The following ACYP2 variants were observed in gnomAD, a reference collection of about 807,000 sequenced individuals.
The protein encoded by ACYP2 is acylphosphatase 2.
A neutral mutation model predicts 11.2 loss-of-function variants in ACYP2; 12 were observed. The ratio of observed to expected loss-of-function variants is 1.08; its 90% CI spans 0.69 to 1.74. The LOEUF (loss-of-function observed/expected upper bound fraction) is 1.74, where lower values mean the gene tolerates loss of function less well. Ranked by LOEUF, ACYP2 falls within the 40% of genes most tolerant of loss-of-function variation. ACYP2 has a pLI of 0.00. For missense variants in ACYP2, 134 were observed against 101.9 expected (o/e 1.31, Z -1.35); for synonymous variants, 43 against 32.2 (o/e 1.33, Z -1.13).
intron 2 of ACYP2, among the ~76,000 whole-genome samples, chr2:54,003,730 A>C (rs1672918358): frequency 6.6e-6 from 1 of 152,210 alleles, no homozygotes; most frequent in South Asian, 2.1e-4. Flanking sequence ...AACATGTTTC[A>C]ACTCATTTGG....
intron 6 of ACYP2, among the ~76,000 whole-genome samples, chr2:54,231,278 C>G (rs890716811): frequency 6.6e-6 from 1 of 152,134 alleles, no homozygotes; most frequent in African/African-American, 2.4e-5. Context: ...TCATATTTGG[C>G]TCAGAATAAA....
intron 6 of ACYP2, among the ~76,000 whole-genome samples, chr2:54,222,395 C>T (rs1266951126): frequency 1.3e-5 from 2 of 151,806 alleles, no homozygotes; most frequent in African/African-American, 4.8e-5. Context: ...ACTAAAAATA[C>T]AAAAATTAGC....
At chr2:54,146,439 A>AT (rs11360655) in intron 6 of ACYP2, among the ~76,000 whole-genome samples, 10,185 of 140,578 alleles carry the variant, frequency 0.072, 510 homozygotes, top group East Asian at 0.31. Context: ...CTGATCCTCT[A>AT]TTTTTTTTTT....
chr2:54,255,628 TC>T, intron 6 of ACYP2: 1 of 1,613,616 alleles, frequency 6.2e-7, no homozygotes, highest in Non-Finnish European at 8.5e-7. Flanking sequence ...TCTGTTTTCT[TC>T]CGCCACGTCC....
At chr2:54,219,732 C>T (rs1454667703) in intron 6 of ACYP2, among the ~76,000 whole-genome samples, 1 of 151,740 alleles carries the variant, frequency 6.6e-6, no homozygotes, top group Non-Finnish European at 1.5e-5. Context: ...AATTCTCCTG[C>T]CTCAGTCTCC....
At chr2:54,290,520 A>G (rs1689257905) in intron 6 of ACYP2, among the ~76,000 whole-genome samples, 1 of 150,184 alleles carries the variant, frequency 6.7e-6, no homozygotes, top group Non-Finnish European at 1.5e-5. Flanking sequence ...AAACAAGAGC[A>G]TGTACATTTA....
chr2:54,007,864 GA>G (rs200226492), intron 2 of ACYP2, among the ~76,000 whole-genome samples: 8 of 151,052 alleles, frequency 5.3e-5, no homozygotes, highest in African/African-American at 1.9e-4. Context: ...GACTCTGACT[GA>G]AAAAAAACAA....
At chr2:54,260,200 G>C (rs1687718136) in intron 6 of ACYP2, among the ~76,000 whole-genome samples, 1 of 152,118 alleles carries the variant, frequency 6.6e-6, no homozygotes, top group Non-Finnish European at 1.5e-5. Flanking sequence ...AGAAGTGATA[G>C]TGAGATTTAT....
At chr2:54,050,160 C>G (rs1287484100) in intron 2 of ACYP2, among the ~76,000 whole-genome samples, 3 of 152,020 alleles carry the variant, frequency 2.0e-5, no homozygotes, top group Middle Eastern at 3.2e-3. Flanking sequence ...CCTCATGATG[C>G]AACAGTAGAA....
At chr2:54,138,888 G>A (rs1042817732) in intron 6 of ACYP2, 140 bp downstream of exon 3, 16 of 678,568 alleles carry the variant, frequency 2.4e-5, no homozygotes, top group Non-Finnish European at 4.0e-5. Flanking sequence ...TGCCTTCCAG[G>A]CTCAGATCTC....
intron 4 of ACYP2, among the ~76,000 whole-genome samples, chr2:54,095,496 G>A (rs1429154054): frequency 6.6e-5 from 10 of 150,608 alleles, no homozygotes; most frequent in Non-Finnish European, 1.0e-4. Flanking sequence ...CGGACGGGGC[G>A]GCTGGCTGGG....
chr2:54,057,601 C>T (rs1319644592), intron 4 of ACYP2, among the ~76,000 whole-genome samples: 8 of 151,990 alleles, frequency 5.3e-5, no homozygotes, highest in South Asian at 2.1e-4. Flanking sequence ...CAGAGAAGTA[C>T]GTTTTATTAG....
At chr2:54,015,917 A>C (rs747554062) in intron 2 of ACYP2, among the ~76,000 whole-genome samples, 1 of 151,996 alleles carries the variant, frequency 6.6e-6, no homozygotes, top group Non-Finnish European at 1.5e-5. Flanking sequence ...TTCCCACCTC[A>C]GCCTCCCAAA....
At chr2:54,050,195 TA>T (rs1193085866) in intron 2 of ACYP2, among the ~76,000 whole-genome samples, 1 of 152,092 alleles carries the variant, frequency 6.6e-6, no homozygotes, top group Non-Finnish European at 1.5e-5. Flanking sequence ...ATGAACAGTC[TA>T]AAAAATGACA....
intron 4 of ACYP2, among the ~76,000 whole-genome samples, chr2:54,090,400 G>C (rs952664688): frequency 6.6e-6 from 1 of 152,160 alleles, no homozygotes; most frequent in African/African-American, 2.4e-5. Context: ...GGAGGCCGAG[G>C]TGGGCAGATC....
chr2:54,213,731 ACTAT>A (rs1352901865), intron 6 of ACYP2, among the ~76,000 whole-genome samples: 2 of 151,930 alleles, frequency 1.3e-5, no homozygotes, highest in Non-Finnish European at 2.9e-5. Flanking sequence ...TCATTTGAGA[ACTAT>A]CTGTTGATGT....
intron 6 of ACYP2, among the ~76,000 whole-genome samples, chr2:54,299,676 T>C (rs974280236): frequency 2.6e-5 from 4 of 151,532 alleles, no homozygotes; most frequent in African/African-American, 4.9e-5. Flanking sequence ...CCATTGCAGA[T>C]TGGTGGATGG....
intron 4 of ACYP2, among the ~76,000 whole-genome samples, chr2:54,124,410 G>T (rs1474610161): frequency 6.6e-6 from 1 of 152,036 alleles, no homozygotes; most frequent in African/African-American, 2.4e-5. Context: ...TGGTCAGGCT[G>T]GTCTTGAACT....
At chr2:54,299,123 A>G (rs1689626639) in intron 6 of ACYP2, among the ~76,000 whole-genome samples, 1 of 152,174 alleles carries the variant, frequency 6.6e-6, no homozygotes. Flanking sequence ...GTGAAAGTTA[A>G]TCCCTGGAAT....
Sources: gnomAD v4.1 joint callset for allele counts (sites outside exome capture counted in the v4.1 genomes callset) on GRCh38, gnomAD v4.1.1 for gene constraint, MANE v1.5 for transcripts, NCBI Gene and HGNC (gene_info 2026-07-23, HGNC 2026-07-21) for gene names.